Variants in PRSS57 observed in about 807,000 individuals in gnomAD.
The protein encoded by PRSS57 is serine protease 57.
PRSS57 carries 19 observed loss-of-function variants against 20.6 expected under a neutral mutation model. The ratio of observed to expected loss-of-function variants is 0.92; its 90% CI spans 0.64 to 1.35. The LOEUF is 1.35. Among genes scored for constraint, PRSS57 ranks in the 40% most tolerant of loss-of-function variants. The probability of loss-of-function intolerance (pLI) is 0.00; values close to 1 mark genes in which losing one functional copy is unlikely to be tolerated. For missense variants in PRSS57, 440 were observed against 403.7 expected (o/e 1.09, Z -0.77); for synonymous variants, 203 against 176.6 (o/e 1.15, Z -1.19).
Position 695,403 on chromosome 19 carries a change from G to A in PRSS57, c.28C>T (p.Arg10Cys), listed in dbSNP as rs376757491. The A allele has an allele frequency of 2.7e-5, 34 of 1,277,192 alleles. No individual in the cohort carries two copies. The African/African-American group carries it at 4.1e-4, about 15-fold the overall frequency. 79.1% of individuals were successfully genotyped at this position (1,277,192 alleles called of 1,614,324 possible). MGLGLRGWG[R>C]PLLTVATALM... ...GCGGTGGCCACAGTCAGCAGAGGAC[G>A]TCCCCAGCCCCTCAACCCGAGCCCC... The change falls in exon 1 of 5, where the codon CGT becomes TGT. Residue 10 changes from arginine to cysteine, a missense_variant. By Grantham distance (180) the Arg-to-Cys change is radical (BLOSUM62 -3). Coordinates refer to ENST00000329267, the MANE Select transcript of PRSS57 (RefSeq NM_001308209.2).
At chr19:692,951 G>A (rs985635278) in intron 2 of PRSS57, among the ~76,000 whole-genome samples, 1 of 146,592 alleles carries the variant, frequency 6.8e-6, no homozygotes. Flanking sequence ...TTTTTGAGAC[G>A]GAGTCTCGCT....
At position 687,100 on chromosome 19, in the gene PRSS57, C is replaced by T; in HGVS notation, c.467G>A (p.Cys156Tyr). Reference sequence around the variant, plus strand: ...CACGAAGCCCCAGCCAGCCACCCGGCACCGTGTCCCCGCTGTGGGGGGCCT... The same window carrying T: ...CACGAAGCCCCAGCCAGCCACCCGGTACCGTGTCCCCGCTGTGGGGGGCCT... ...RARPPTAGTR[C>Y]RVAGWGFVSD... Residue 156 changes from cysteine (C) to tyrosine (Y), a missense_variant, in exon 4 of 5, where the codon TGC becomes TAC. Coordinates refer to ENST00000329267, the MANE Select transcript of PRSS57 (RefSeq NM_001308209.2). 1 of 1,613,508 alleles carries T rather than the reference C, an allele frequency of 6.2e-7. No homozygotes were observed. Among genetic ancestry groups the T allele is most frequent in the Non-Finnish European group, 8.5e-7 (1 of 1,179,860 alleles).
rs2031463554 is a variant in PRSS57 at position 685,930 on chromosome 19, G to A, written c.643-8C>T. ...GGGCCCTCCGGAGTCGGCCTGGAGT[G>A]AAAGGAGAGGTGAGGTCAGGGCCTC... is the stretch of plus-strand genomic sequence containing the variant. On this transcript the variant is annotated splice_polypyrimidine_tract_variant and splice_region_variant and intron_variant, in intron 4 of 4. Transcript: ENST00000329267. 4 of 1,532,618 alleles carry A rather than the reference G, an allele frequency of 2.6e-6. No individual in the cohort carries two copies. The highest frequency in any genetic ancestry group is 2.6e-6 in the Non-Finnish European group (3 of 1,135,352). The allele number at this position is 1,532,618 out of a possible 1,614,324, so 94.9% of individuals were successfully genotyped here. A position where few individuals can be genotyped will look rare whatever the true frequency, so the allele number is the denominator to read the frequency against.
chr19:685,898 A>T lies in PRSS57; in HGVS notation c.667T>A (p.Cys223Ser). ...ACGAGGCCGTGAGCCCGGTTCCTGC[A>T]CACCAGGGGCCCTCCGGAGTCGGCC... ...CSADSGGPLV[C>S]RNRAHGLVSF... Residue 223 changes from cysteine (C) to serine (S), a missense_variant, in exon 5 of 5, where the codon TGC becomes AGC. By Grantham distance (112) the Cys-to-Ser change is moderately radical. Coordinates refer to ENST00000329267, the MANE Select transcript of PRSS57 (RefSeq NM_001308209.2). 1 of 1,548,780 alleles carries T rather than the reference A, an allele frequency of 6.5e-7. No individual in the cohort carries two copies. Among genetic ancestry groups the T allele is most frequent in the East Asian group, 2.4e-5 (1 of 41,030 alleles).
rs1454622438 is a variant in PRSS57 at position 693,321 on chromosome 19, A to T, written c.234-1319T>A. ...CAGCTCACTGCAGCCTCGACCTCCC[A>T]GGCTCAAGCGATCCTCCCACAGCAG... On this transcript the variant is annotated intron_variant, in intron 2 of 4. Transcript: ENST00000329267. Among the ~76,000 whole-genome samples the T allele has an allele frequency of 9.2e-5, 12 of 130,180 alleles. No individual in the cohort carries two copies. The East Asian group carries it at 2.5e-3, about 27-fold the overall frequency. 85.4% of individuals were successfully genotyped at this position (130,180 alleles called of 152,430 possible). A position where few individuals can be genotyped will look rare whatever the true frequency, so the allele number is the denominator to read the frequency against.
chr19:690,794 G>T, intron 3 of PRSS57: 2 of 347,354 alleles, frequency 5.8e-6, no homozygotes, highest in Admixed American at 3.9e-5. Flanking sequence ...GCTCTCCGTT[G>T]TCCCCATGCA....
rs546543607 is a variant in PRSS57, at chr19:685,806, A to C, written c.759T>G (p.Phe253Leu). Reference sequence around the variant, plus strand: ...GAACCACGTCCCAGATCCAGGCCACAAAGGCGGACACCTGCGTGTACACGT... The same window carrying C: ...GAACCACGTCCCAGATCCAGGCCACCAAGGCGGACACCTGCGTGTACACGT... ...TPDVYTQVSA[F>L]VAWIWDVVRR... Residue 253 changes from phenylalanine (F) to leucine (L), a missense_variant, in exon 5 of 5, where the codon TTT becomes TTG. Phe to Leu is a conservative substitution (Grantham distance 22, BLOSUM62 0). Coordinates refer to ENST00000329267, the MANE Select transcript of PRSS57 (RefSeq NM_001308209.2). 1.0e-4 allele frequency: 159 copies of C among 1,566,114 alleles called. 3 individuals carry two copies. The South Asian group carries it at 1.8e-3, about 17-fold the overall frequency.
chr19:686,959 C>T lies in PRSS57; in HGVS notation c.608G>A (p.Arg203His), dbSNP rs146480280. 2.8e-5 allele frequency: 45 copies of T among 1,613,934 alleles called. No homozygotes were observed. The highest frequency in any genetic ancestry group is 1.3e-4 in the South Asian group (12 of 91,090). The change falls in exon 4 of 5, where the codon CGC becomes CAC. Residue 203 changes from arginine to histidine, a missense_variant. Arg to His is a conservative substitution (Grantham distance 29). Coordinates refer to ENST00000329267, the MANE Select transcript of PRSS57 (RefSeq NM_001308209.2). ...GHLTLTMLCT[R>H]SGDSHRRGFC... ...GCCCCGTCTGTGGCTGTCCCCACTG[C>T]GGGTGCAGAGCATGGTAAGTGTCAG...
At chr19:695,192 C>T (rs967781561) in intron 1 of PRSS57, among the ~76,000 whole-genome samples, 160 bp downstream of exon 1, 5 of 152,126 alleles carry the variant, frequency 3.3e-5, no homozygotes, top group East Asian at 1.9e-4. Flanking sequence ...AGACCCCGGC[C>T]GGATTTCCAT....
chr19:685,944 G>A (rs752239340), intron 4 of PRSS57, 22 bp from the exon 5 acceptor site: 5 of 1,517,288 alleles, frequency 3.3e-6, no homozygotes, highest in South Asian at 2.4e-5. Context: ...GGAGAGGTGA[G>A]GTCAGGGCCT....
intron 2 of PRSS57, among the ~76,000 whole-genome samples, chr19:693,206 C>G (rs1177938345): frequency 6.9e-6 from 1 of 145,200 alleles, no homozygotes; most frequent in African/African-American, 2.6e-5. Flanking sequence ...GCCGGGATTA[C>G]AGGCGTGAGC....
At chr19:694,690 C>T (rs2031737869) in intron 2 of PRSS57, 124 bp downstream of exon 2, 2 of 1,127,354 alleles carry the variant, frequency 1.8e-6, no homozygotes, top group Admixed American at 2.9e-5. Flanking sequence ...CCTTTAAATC[C>T]AGCCCCTGCT....
At position 694,480 on chromosome 19, in the gene PRSS57, A is replaced by C. The variant is rs564104221; in HGVS notation, c.233+334T>G. On this transcript the variant is annotated intron_variant, in intron 2 of 4. Transcript: ENST00000329267. ...CTACTCGGGAAGCTGAGGCAGGAGA[A>C]TCGCTTGAGCCCGGGAGGTGGAGGT... Among the ~76,000 whole-genome samples the C allele has an allele frequency of 5.3e-5, 8 of 151,428 alleles. No individual in the cohort carries two copies. The South Asian group carries it at 1.3e-3, about 24-fold the overall frequency.
At chr19:689,150 A>G (rs368263425) in intron 3 of PRSS57, among the ~76,000 whole-genome samples, 15,257 of 80,444 alleles carry the variant, frequency 0.19, 1,160 homozygotes, top group African/African-American at 0.25. Flanking sequence ...CGACGGTGCT[A>G]GAAGGGTGGT....
chr19:692,602 A>C (rs1181702318), intron 2 of PRSS57, among the ~76,000 whole-genome samples: 1 of 151,830 alleles, frequency 6.6e-6, no homozygotes, highest in African/African-American at 2.4e-5. Context: ...TTTTCAGTAG[A>C]GACAGGGTTT....
chr19:686,268 C>G (rs1012393300), intron 4 of PRSS57, among the ~76,000 whole-genome samples: 1 of 152,068 alleles, frequency 6.6e-6, no homozygotes, highest in Non-Finnish European at 1.5e-5. Context: ...CTCTGCCTTG[C>G]GTGTGTTTCC....
rs566616446 is a variant in PRSS57, at chr19:689,818, C to T, written c.378+2040G>A. On this transcript the variant is annotated intron_variant, in intron 3 of 4. Coordinates refer to ENST00000329267, the MANE Select transcript of PRSS57 (RefSeq NM_001308209.2). ...CCCGTGATCCCGACACTTTGGGAGA[C>T]CAAGGTGGGCGGATCACTTGAGGAC... Among the ~76,000 whole-genome samples the T allele has an allele frequency of 5.9e-5, 9 of 152,262 alleles. No individual in the cohort carries two copies. The East Asian group carries it at 1.7e-3, about 29-fold the overall frequency.
chr19:688,547 G>A (rs548415109), intron 3 of PRSS57, among the ~76,000 whole-genome samples: 164 of 151,020 alleles, frequency 1.1e-3, no homozygotes, highest in African/African-American at 3.8e-3. Context: ...GGGTCTGCAT[G>A]GATGCACCAC....
In PRSS57 at chr19:691,919, G is replaced by A. The variant is rs748555129; in HGVS notation, c.317C>T (p.Ala106Val). 4.5e-6 allele frequency: 6 copies of A among 1,337,664 alleles called. No homozygotes were observed. In the Admixed American group the frequency reaches 1.2e-4, roughly 27 times the overall value. The allele number at this position is 1,337,664 out of a possible 1,614,324, so 82.9% of individuals were successfully genotyped here. A position where few individuals can be genotyped will look rare whatever the true frequency, so the allele number is the denominator to read the frequency against. The change falls in exon 3 of 5, where the codon GCT becomes GTT. Residue 106 changes from alanine to valine, a missense_variant. By Grantham distance (64) the Ala-to-Val change is moderately conservative. Transcript: ENST00000329267. The part of the protein sequence containing the change: ...EPTQQVFGID[A>V]LTTHPDYHPM... ...GTGGTAGTCGGGGTGTGTGGTGAGA[G>A]CATCGATGCCAAACACCTGCTGGGT...
Sources: gnomAD v4.1 joint callset for allele counts (sites outside exome capture counted in the v4.1 genomes callset) on GRCh38, gnomAD v4.1.1 for gene constraint, MANE v1.5 for transcripts, NCBI Gene and HGNC (gene_info 2026-07-23, HGNC 2026-07-21) for gene names.